Variants in DDR1 observed in about 807,000 individuals in gnomAD.
DDR1 encodes discoidin domain receptor tyrosine kinase 1.
A neutral mutation model predicts 97.4 loss-of-function variants in DDR1; 64 were observed. The observed-to-expected ratio is 0.66, with a 90% CI of 0.54 to 0.81. The LOEUF (loss-of-function observed/expected upper bound fraction) is 0.81. Among genes scored for constraint, DDR1 ranks in the 30% least tolerant of loss-of-function variants. The pLI is 0.00. For synonymous variants in DDR1, 458 were observed against 503.7 expected (o/e 0.91, Z 1.21); for missense variants, 990 against 1,259.6 (o/e 0.79, Z 3.24).
At chr6:30,893,041 T>G (rs1167404784) in intron 8 of DDR1, 27 bp from the exon 9 acceptor site, 1 of 1,593,808 alleles carries the variant, frequency 6.3e-7, no homozygotes, top group African/African-American at 1.3e-5. Flanking sequence ...TTTACCTCCC[T>G]CCTTTCTTTT....
rs1479028769 is a variant in DDR1 at position 30,899,228 on chromosome 6, T to C, written c.2674T>C (p.Ser892Pro). 2 of 1,613,596 alleles carry C rather than the reference T, an allele frequency of 1.2e-6. No homozygotes were observed. The highest frequency in any genetic ancestry group is 2.2e-5 in the East Asian group (1 of 44,852). The stretch of plus-strand genomic sequence containing the variant: ...GATGCTTCGGTGCTGGAGCCGGGAG[T>C]CTGAGCAGCGACCACCCTTTTCCCA... The part of the protein sequence containing the change: ...ELMLRCWSRE[S>P]EQRPPFSQLH... Residue 892 changes from serine (S) to proline (P), a missense_variant, in exon 18 of 18, where the codon TCT becomes CCT. Transcript: ENST00000376568.
rs1582028484 is a variant in DDR1 at position 30,889,134 on chromosome 6, G to C, written c.189-68G>C. ...GCAGGCTGAGGGGGCAAATGAAGTG[G>C]GGTTTAAATACTGGAGATGGAGGCA... On this transcript the variant is annotated intron_variant, in intron 3 of 17. Coordinates refer to ENST00000376568, the MANE Select transcript of DDR1 (RefSeq NM_001297654.2). This position sits in a 1 kb window ranked among gnomAD's most constrained non-coding sequence, Gnocchi z 4.9. 6.3e-7 allele frequency: 1 copy of C among 1,587,364 alleles called. No homozygotes were observed. The highest frequency in any genetic ancestry group is 1.7e-5 in the Admixed American group (1 of 59,886).
In DDR1 at chr6:30,894,669, CT is replaced by C; in HGVS notation, c.1512del (p.Ala505ArgfsTer148). On this transcript the variant is annotated frameshift_variant and splice_region_variant, in exon 11 of 18. Transcript: ENST00000376568. LOFTEE classifies it high-confidence loss of function. This position sits in a 1 kb window ranked among gnomAD's most constrained non-coding sequence, Gnocchi z 5.7. The part of the protein sequence containing the change: ...PHSAPCVPNG[S>X]ALLLSNPAYR... Reference sequence around the variant, plus strand: ...TCCGCTCCCTGTGTCCCCAATGGCTCTGGTAAGACCTGCCTTGTTCCAGTCG... The same window carrying C: ...TCCGCTCCCTGTGTCCCCAATGGCTCGGTAAGACCTGCCTTGTTCCAGTCG... 1 of 1,598,634 alleles carries C rather than the reference CT, an allele frequency of 6.3e-7. No individual in the cohort carries two copies. The highest frequency in any genetic ancestry group is 8.5e-7 in the Non-Finnish European group (1 of 1,171,628).
chr6:30,899,326 G>A lies in DDR1; in HGVS notation c.*30G>A. Reference sequence around the variant, plus strand: ...CACATCCAGCTGCCCCTCCCTCAGGGAGCGATCCAGGGGAAGCCAGTGACA... The same window carrying A: ...CACATCCAGCTGCCCCTCCCTCAGGAAGCGATCCAGGGGAAGCCAGTGACA... On this transcript the variant is annotated 3_prime_UTR_variant, in exon 18 of 18. Transcript: ENST00000376568. 3 of 1,591,302 alleles carry A rather than the reference G, an allele frequency of 1.9e-6. No homozygotes were observed. The South Asian group carries it at 3.4e-5, about 18-fold the overall frequency.
At position 30,891,891 on chromosome 6, in the gene DDR1, T is replaced by C; in HGVS notation, c.666-111T>C. 1 of 1,201,348 alleles carries C rather than the reference T, an allele frequency of 8.3e-7. No individual in the cohort carries two copies. The highest frequency in any genetic ancestry group is 2.3e-5 in the East Asian group (1 of 42,738). The allele number at this position is 1,201,348 out of a possible 1,614,324, so 74.4% of individuals were successfully genotyped here. On this transcript the variant is annotated intron_variant, in intron 6 of 17. Coordinates refer to ENST00000376568, the MANE Select transcript of DDR1 (RefSeq NM_001297654.2). This position sits in a 1 kb window ranked among gnomAD's most constrained non-coding sequence, Gnocchi z 5.3. ...GTGGGATGGGAATGGGACTAGTGGA[T>C]GGGAGCCAGGCTGGCCATGCCACTG...
At position 30,892,562 on chromosome 6, in the gene DDR1, A is replaced by G. The variant is rs1356374488; in HGVS notation, c.1099+20A>G. On this transcript the variant is annotated intron_variant, in intron 8 of 17. Transcript: ENST00000376568. ...TCTCTGGTAAGCCCTGGAGTAGCCCAGTCTCCAGTCCCTGAAATTGACAAC... is the reference window on the plus strand; with the variant it reads ...TCTCTGGTAAGCCCTGGAGTAGCCCGGTCTCCAGTCCCTGAAATTGACAAC... 7 of 1,548,170 alleles carry G rather than the reference A, an allele frequency of 4.5e-6. No homozygotes were observed. In the African/African-American group the frequency reaches 8.2e-5, roughly 18 times the overall value.
At chr6:30,882,324 C>T (rs1784433586), upstream of DDR1, among the ~76,000 whole-genome samples, 1 of 152,136 alleles carries the variant, frequency 6.6e-6, no homozygotes, top group African/African-American at 2.4e-5. This position sits in a 1 kb window ranked among gnomAD's most constrained non-coding sequence, Gnocchi z 4.8. Context: ...GAGGGAAGCC[C>T]AGGATGGGAG....
In DDR1 at chr6:30,893,373, A is replaced by T. The variant is rs1431257956; in HGVS notation, c.1297A>T (p.Ile433Phe). 3.1e-6 allele frequency: 5 copies of T among 1,607,928 alleles called. No homozygotes were observed. The highest frequency in any genetic ancestry group is 3.3e-5 in the Admixed American group (2 of 59,974). ...LVAIILLLLL[I>F]IALMLWRLHW... Reference sequence around the variant, plus strand: ...GGCCATCATCCTGCTCCTGCTGCTCATCATTGCCCTCATGCTCTGGCGGCT... The same window carrying T: ...GGCCATCATCCTGCTCCTGCTGCTCTTCATTGCCCTCATGCTCTGGCGGCT... The change falls in exon 10 of 18, where the codon ATC (isoleucine) becomes TTC (phenylalanine). Residue 433 changes from isoleucine to phenylalanine, a missense_variant. Physicochemically the swap from Ile to Phe is conservative, Grantham distance 21. Transcript: ENST00000376568.
chr6:30,897,621 C>T lies in DDR1; in HGVS notation c.2216+24C>T, dbSNP rs1323658141. 1.3e-6 allele frequency: 2 copies of T among 1,586,820 alleles called. No homozygotes were observed. The highest frequency in any genetic ancestry group is 1.3e-5 in the African/African-American group (1 of 74,454). Reference sequence around the variant, plus strand: ...AGGTACCTGCTTACCCAGGCTGGGCCTTGCTCAGAATTCCCCCAGGGGATC... The same window carrying T: ...AGGTACCTGCTTACCCAGGCTGGGCTTTGCTCAGAATTCCCCCAGGGGATC... On this transcript the variant is annotated intron_variant, in intron 15 of 17. Coordinates refer to ENST00000376568, the MANE Select transcript of DDR1 (RefSeq NM_001297654.2). The surrounding 1 kb of genome is among the most constrained non-coding windows in gnomAD (Gnocchi z 5.2).
In DDR1 at chr6:30,899,525, C is replaced by T. The variant is rs1031652810; in HGVS notation, c.*229C>T. 2.6e-5 allele frequency: 15 copies of T among 585,716 alleles called. No individual in the cohort carries two copies. Among genetic ancestry groups the T allele is most frequent in the African/African-American group, 3.7e-5 (2 of 53,742 alleles). The allele number at this position is 585,716 out of a possible 1,614,324, so 36.3% of individuals were successfully genotyped here. ...TTCCTGTTCTTCCTTCCTAGAAGCCCCTGTCGCCCACCCAGCTGGTCCTGT... is the reference window on the plus strand; with the variant it reads ...TTCCTGTTCTTCCTTCCTAGAAGCCTCTGTCGCCCACCCAGCTGGTCCTGT... On this transcript the variant is annotated 3_prime_UTR_variant, in exon 18 of 18. Coordinates refer to ENST00000376568, the MANE Select transcript of DDR1 (RefSeq NM_001297654.2).
In DDR1 at chr6:30,899,837, A is replaced by G. The variant is rs777225926; in HGVS notation, c.*541A>G. 12 of 395,536 alleles carry G rather than the reference A, an allele frequency of 3.0e-5. No individual in the cohort carries two copies. Among genetic ancestry groups the G allele is most frequent in the Non-Finnish European group, 5.7e-5 (12 of 211,450 alleles). 24.5% of individuals were successfully genotyped at this position (395,536 alleles called of 1,614,324 possible). A position where few individuals can be genotyped will look rare whatever the true frequency, so the allele number is the denominator to read the frequency against. The stretch of plus-strand genomic sequence containing the variant: ...TTCTTCCTCCTCCATCACCTGAAAC[A>G]CTGGACCTGGGGGTAGCCCCGCCCC... On this transcript the variant is annotated 3_prime_UTR_variant, in exon 18 of 18. Coordinates refer to ENST00000376568, the MANE Select transcript of DDR1 (RefSeq NM_001297654.2).
chr6:30,890,673 A>C lies in DDR1; in HGVS notation c.418-300A>C, dbSNP rs1787751875. On this transcript the variant is annotated intron_variant, in intron 4 of 17. Coordinates refer to ENST00000376568, the MANE Select transcript of DDR1 (RefSeq NM_001297654.2). The surrounding 1 kb of genome is among the most constrained non-coding windows in gnomAD (Gnocchi z 5.0). ...TGCAGGGCTGTGAGGATTGGGGAGA[A>C]TCTGGGCACAATGGGATGATAGGCT... 2.7e-6 allele frequency: 1 copy of C among 377,138 alleles called. No homozygotes were observed. Among genetic ancestry groups the C allele is most frequent in the East Asian group, 4.5e-5 (1 of 22,124 alleles). 23.4% of individuals were successfully genotyped at this position (377,138 alleles called of 1,614,324 possible).
At chr6:30,882,197 G>A (rs1341942628), upstream of DDR1, among the ~76,000 whole-genome samples, 1 of 152,228 alleles carries the variant, frequency 6.6e-6, no homozygotes, top group South Asian at 2.1e-4. The surrounding 1 kb of genome is among the most constrained non-coding windows in gnomAD (Gnocchi z 4.8). Flanking sequence ...CCTGTGGCCA[G>A]GTGGTCTGCA....
In DDR1 at chr6:30,900,142, T is replaced by C; in HGVS notation, c.*846T>C. 1.7e-6 allele frequency: 1 copy of C among 572,158 alleles called. No homozygotes were observed. Among genetic ancestry groups the C allele is most frequent in the East Asian group, 3.6e-5 (1 of 27,978 alleles). The allele number at this position is 572,158 out of a possible 1,614,324, so 35.4% of individuals were successfully genotyped here. A position where few individuals can be genotyped will look rare whatever the true frequency, so the allele number is the denominator to read the frequency against. On this transcript the variant is annotated 3_prime_UTR_variant, in exon 18 of 18. Transcript: ENST00000376568. ...TGCACTAGGCAGGTAATAATAAAGG[T>C]TGAGTTTTCCACAACTGTGTGAGTG... is the stretch of plus-strand genomic sequence containing the variant.
In DDR1 at chr6:30,888,912, G is replaced by A. The variant is rs778062152; in HGVS notation, c.90G>A (p.Lys30=). ...ACATGCCTGCTTTTTACTCAGCCAA[G>A]TGCCGCTATGCCCTGGGCATGCAGG... The part of the protein sequence containing the change: ...ADMKGHFDPA[K]CRYALGMQDR... The change falls in exon 3 of 18, where the codon AAG becomes AAA. Residue 30 remains lysine, a synonymous_variant. Coordinates refer to ENST00000376568, the MANE Select transcript of DDR1 (RefSeq NM_001297654.2). The surrounding 1 kb of genome is among the most constrained non-coding windows in gnomAD (Gnocchi z 4.2). The A allele has an allele frequency of 2.4e-5, 38 of 1,612,908 alleles. No individual in the cohort carries two copies. Among genetic ancestry groups the A allele is most frequent in the Non-Finnish European group, 3.1e-5 (37 of 1,180,028 alleles).
In DDR1 at chr6:30,892,326, GC is replaced by G; in HGVS notation, c.886del (p.Arg296ValfsTer27). 6.4e-7 allele frequency: 1 copy of G among 1,574,204 alleles called. No homozygotes were observed. Among genetic ancestry groups the G allele is most frequent in the Non-Finnish European group, 8.6e-7 (1 of 1,159,308 alleles). On this transcript the variant is annotated frameshift_variant, in exon 8 of 18. Transcript: ENST00000376568. LOFTEE classifies it high-confidence loss of function. ...VHCNNMHTLG[A>X]RLPGGVECRF... The stretch of plus-strand genomic sequence containing the variant: ...CTGTAACAACATGCACACGCTGGGA[GC>G]CCGTCTGCCTGGCGGGGTGGAATGT...
rs1287363425 is a variant in DDR1 at position 30,899,534 on chromosome 6, C to T, written c.*238C>T. 1 of 575,276 alleles carries T rather than the reference C, an allele frequency of 1.7e-6. No individual in the cohort carries two copies. Among genetic ancestry groups the T allele is most frequent in the Non-Finnish European group, 3.0e-6 (1 of 330,094 alleles). The allele number at this position is 575,276 out of a possible 1,614,324, so 35.6% of individuals were successfully genotyped here. On this transcript the variant is annotated 3_prime_UTR_variant, in exon 18 of 18. Transcript: ENST00000376568. ...TTCCTTCCTAGAAGCCCCTGTCGCC[C>T]ACCCAGCTGGTCCTGTGGATGGGAT... is the stretch of plus-strand genomic sequence containing the variant.
At chr6:30,898,830 G>A in intron 16 of DDR1, 58 bp from the exon 17 acceptor site, 1 of 1,553,256 alleles carries the variant, frequency 6.4e-7, no homozygotes, top group Non-Finnish European at 8.8e-7. Context: ...TAGGAAGGGA[G>A]GAGGGTCTAC....
rs1790063654 is a variant in DDR1, at chr6:30,894,769, C to T, written c.1513+98C>T. ...CTTTTTTTCCTGTCTTCCCCAGTTT[C>T]CACTTGTTTTCTTCTTTCTGTGCCC... On this transcript the variant is annotated intron_variant, in intron 11 of 17. Transcript: ENST00000376568. The surrounding 1 kb of genome is among the most constrained non-coding windows in gnomAD (Gnocchi z 5.7). 1 of 1,352,916 alleles carries T rather than the reference C, an allele frequency of 7.4e-7. No individual in the cohort carries two copies. Among genetic ancestry groups the T allele is most frequent in the Non-Finnish European group, 9.9e-7 (1 of 1,007,812 alleles). The allele number at this position is 1,352,916 out of a possible 1,614,324, so 83.8% of individuals were successfully genotyped here. A position where few individuals can be genotyped will look rare whatever the true frequency, so the allele number is the denominator to read the frequency against.
Sources: allele counts gnomAD v4.1 joint callset (sites outside exome capture counted in the v4.1 genomes callset), GRCh38; gene constraint gnomAD v4.1.1; non-coding constraint Gnocchi (gnomAD v3.1); transcripts MANE v1.5; gene names NCBI Gene and HGNC (gene_info 2026-07-23, HGNC 2026-07-21).